The following KIF6 variants were observed in gnomAD, a reference collection of about 807,000 sequenced individuals.
The protein encoded by KIF6 is kinesin-like protein KIF6.
Under a neutral mutation model 112.7 loss-of-function variants are expected in KIF6, and 106 were observed. The ratio of observed to expected loss-of-function variants is 0.94; its 90% CI spans 0.80 to 1.11. KIF6 has a LOEUF of 1.11. Among genes scored for constraint, KIF6 ranks in the 50% least tolerant of loss-of-function variants. The probability of loss-of-function intolerance (pLI) is 0.00; values close to 1 mark genes in which losing one functional copy is unlikely to be tolerated. For missense variants in KIF6, 929 were observed against 964.0 expected, an observed-to-expected ratio of 0.96 and a Z score of 0.48; for synonymous variants, 339 against 339.9, an observed-to-expected ratio of 1.00 and a Z score of 0.03.
At chr6:39,385,754 C>CACA in intron 15 of KIF6, 82 bp from the exon 16 acceptor site, 2 of 394,978 alleles carry the variant, frequency 5.1e-6, no homozygotes, top group East Asian at 4.7e-5. Flanking sequence ...TGGCAAGCTA[C>CACA]AGAAAAAAAA....
chr6:39,343,719 C>A lies in KIF6; in HGVS notation c.2418G>T (p.Leu806=). 2 of 1,607,750 alleles carry A rather than the reference C, an allele frequency of 1.2e-6. No homozygotes were observed. The highest frequency in any genetic ancestry group is 1.1e-5 in the South Asian group (1 of 89,728). ...GGGAGGTGCACTTACATTGCTTCTG[C>A]AGAATGCTCTGTCTGGCCTTGATGA... ...IAFIKARQSI[L]QKQCLGSN The change falls in exon 22 of 23, where the codon CTG becomes CTT. Residue 806 remains leucine (L), a synonymous_variant. Coordinates refer to ENST00000287152, the MANE Select transcript of KIF6 (RefSeq NM_145027.6). This position sits in a 1 kb window ranked among gnomAD's most constrained non-coding sequence, Gnocchi z 4.1.
At chr6:39,630,595 T>G (rs902570304) in intron 5 of KIF6, among the ~76,000 whole-genome samples, 2 of 152,172 alleles carry the variant, frequency 1.3e-5, no homozygotes, top group Middle Eastern at 6.8e-3. Context: ...ATTTGAGATG[T>G]TCTACATAGA....
At chr6:39,697,711 CT>C in intron 3 of KIF6, among the ~76,000 whole-genome samples, 1 of 151,660 alleles carries the variant, frequency 6.6e-6, no homozygotes, top group East Asian at 1.9e-4. Context: ...CTTGGCTAAT[CT>C]TTTTTTTGTA....
chr6:39,363,181 A>T (rs571587531), intron 16 of KIF6, among the ~76,000 whole-genome samples: 1 of 152,258 alleles, frequency 6.6e-6, no homozygotes, highest in Admixed American at 6.5e-5. Context: ...CAGATAAACA[A>T]AAACAAAAGC....
At chr6:39,717,917 G>C (rs967680151) in intron 2 of KIF6, among the ~76,000 whole-genome samples, 1 of 152,032 alleles carries the variant, frequency 6.6e-6, no homozygotes, top group Non-Finnish European at 1.5e-5. Flanking sequence ...ATTGCACTTT[G>C]TTTGTATCTA....
chr6:39,467,489 A>C (rs1259266033), intron 13 of KIF6, among the ~76,000 whole-genome samples: 20 of 152,056 alleles, frequency 1.3e-4, no homozygotes, highest in Admixed American at 1.3e-3. Flanking sequence ...CAGAGATATC[A>C]GGGAAAAAAA....
chr6:39,683,131 T>C (rs1355706602), intron 3 of KIF6, among the ~76,000 whole-genome samples: 1 of 152,180 alleles, frequency 6.6e-6, no homozygotes, highest in Non-Finnish European at 1.5e-5. Context: ...TAGTCTGAGT[T>C]TTATGCAAAG....
At chr6:39,642,858 G>A (rs1784983297) in intron 3 of KIF6, among the ~76,000 whole-genome samples, 1 of 152,238 alleles carries the variant, frequency 6.6e-6, no homozygotes, top group South Asian at 2.1e-4. Flanking sequence ...CCTTTAGACT[G>A]CACAAACAGA....
intron 13 of KIF6, among the ~76,000 whole-genome samples, chr6:39,503,849 G>GAAAAAAAA (rs772144009): frequency 6.1e-5 from 5 of 81,922 alleles, no homozygotes; most frequent in African/African-American, 9.1e-5. Context: ...CAACCAACCA[G>GAAAAAAAA]AAAAAAAAAA....
Position 39,378,348 on chromosome 6 carries a change from A to G in KIF6, c.1861+7274T>C, listed in dbSNP as rs1364712509. Among the ~76,000 whole-genome samples the G allele has an allele frequency of 1.3e-5, 2 of 151,916 alleles. No individual in the cohort carries two copies. The highest frequency in any genetic ancestry group is 4.8e-5 in the African/African-American group (2 of 41,306). ...ATACAACATATCCAACATACCACAT[A>G]CACACATACCACGTGCCACATATAC... On this transcript the variant is annotated intron_variant, in intron 16 of 22. Coordinates refer to ENST00000287152, the MANE Select transcript of KIF6 (RefSeq NM_145027.6). The surrounding 1 kb of genome is among the most constrained non-coding windows in gnomAD (Gnocchi z 5.0).
At chr6:39,713,063 G>C (rs1038791946) in intron 3 of KIF6, among the ~76,000 whole-genome samples, 1 of 152,216 alleles carries the variant, frequency 6.6e-6, no homozygotes, top group African/African-American at 2.4e-5. Flanking sequence ...GCCTTACTGA[G>C]AAAGCCGCTA....
chr6:39,679,794 T>C (rs1316501687), intron 3 of KIF6, among the ~76,000 whole-genome samples: 1 of 151,312 alleles, frequency 6.6e-6, no homozygotes, highest in African/African-American at 2.4e-5. Context: ...TTTTTGTATT[T>C]TTTTAGTAGA....
intron 13 of KIF6, among the ~76,000 whole-genome samples, chr6:39,488,456 C>T (rs1047750616): frequency 2.0e-5 from 3 of 152,220 alleles, no homozygotes; most frequent in African/African-American, 7.2e-5. Context: ...CTGCTATTCA[C>T]TTCAGGACTT....
chr6:39,704,420 A>C (rs2113847151), intron 3 of KIF6, among the ~76,000 whole-genome samples: 1 of 152,268 alleles, frequency 6.6e-6, no homozygotes, highest in East Asian at 1.9e-4. Flanking sequence ...GGAGTTCAAG[A>C]CTAGCTTGGC....
chr6:39,691,309 T>G (rs1788195750), intron 3 of KIF6: 1 of 152,194 alleles, frequency 6.6e-6, no homozygotes, highest in Non-Finnish European at 1.5e-5. Context: ...TCCCTTATGA[T>G]AACCTTTCTC....
chr6:39,495,486 G>A (rs1401781433), intron 13 of KIF6, among the ~76,000 whole-genome samples: 1 of 152,046 alleles, frequency 6.6e-6, no homozygotes, highest in African/African-American at 2.4e-5. Context: ...CTTAATATGT[G>A]GTCCCTCTTT....
At chr6:39,521,604 C>G (rs939419318) in intron 13 of KIF6, among the ~76,000 whole-genome samples, 1 of 152,076 alleles carries the variant, frequency 6.6e-6, no homozygotes, top group Admixed American at 6.6e-5. Context: ...AGGGAAAAAT[C>G]TACTGGAGAA....
intron 3 of KIF6, among the ~76,000 whole-genome samples, chr6:39,658,530 A>AT (rs1785936740): frequency 6.6e-6 from 1 of 152,194 alleles, no homozygotes; most frequent in African/African-American, 2.4e-5. Flanking sequence ...TCTATTTATT[A>AT]TTTTATTTTC....
intron 15 of KIF6, among the ~76,000 whole-genome samples, chr6:39,401,780 C>T (rs1235398491): frequency 6.6e-6 from 1 of 152,046 alleles, no homozygotes; most frequent in African/African-American, 2.4e-5. Flanking sequence ...GCTCTGACAA[C>T]ATCTACCCTG....
Sources: allele counts gnomAD v4.1 joint callset (sites outside exome capture counted in the v4.1 genomes callset), GRCh38; gene constraint gnomAD v4.1.1; non-coding constraint Gnocchi (gnomAD v3.1); transcripts MANE v1.5; gene names NCBI Gene and HGNC (gene_info 2026-07-23, HGNC 2026-07-21).